Variants in HDAC9 observed in about 807,000 individuals in gnomAD.
HDAC9 encodes the protein histone deacetylase 9, also known as MEF-2 interacting transcription repressor (MITR) protein.
Under a neutral mutation model 139.4 loss-of-function variants are expected in HDAC9, and 41 were observed. That is an observed-to-expected ratio of 0.29 (90% confidence interval 0.23 to 0.38). HDAC9 has a LOEUF of 0.38. HDAC9 is among the 10% of genes least tolerant of loss of function. The pLI is 1.00. For synonymous variants in HDAC9, 517 were observed against 476.2 expected, an observed-to-expected ratio of 1.09 and a Z score of -1.12; for missense variants, 1,147 against 1,297.0, an observed-to-expected ratio of 0.88 and a Z score of 1.78.
chr7:18,341,126 CT>C (rs992943022), intron 1 of HDAC9, among the ~76,000 whole-genome samples: 17 of 151,618 alleles, frequency 1.1e-4, no homozygotes, highest in South Asian at 6.2e-4. Context: ...GTTTTCCCCC[CT>C]GACTACTTTT....
intron 1 of HDAC9, among the ~76,000 whole-genome samples, chr7:18,465,062 C>T (rs1290440722): frequency 6.6e-6 from 1 of 151,936 alleles, no homozygotes; most frequent in Non-Finnish European, 1.5e-5. Flanking sequence ...TTTTAGTTGC[C>T]TTTAAAAATA....
chr7:18,625,337 TCCCAGAGCAGTACAA>T (rs1411922908), intron 6 of HDAC9, among the ~76,000 whole-genome samples: 2 of 152,200 alleles, frequency 1.3e-5, no homozygotes, highest in African/African-American at 4.8e-5. Flanking sequence ...TCTTTAGTCA[TCCCAGAGCAGTACAA>T]TTATTAACAG....
At chr7:18,323,690 G>C (rs1800207494) in intron 1 of HDAC9, among the ~76,000 whole-genome samples, 1 of 152,124 alleles carries the variant, frequency 6.6e-6, no homozygotes, top group Admixed American at 6.6e-5. Flanking sequence ...CACCTGACCA[G>C]GGACACCCAC....
At chr7:18,554,710 G>T (rs1159322729) in intron 2 of HDAC9, among the ~76,000 whole-genome samples, 3 of 151,636 alleles carry the variant, frequency 2.0e-5, no homozygotes, top group African/African-American at 7.3e-5. Context: ...TTTTTTTTCT[G>T]CCCTGGATAA....
chr7:18,496,663 G>A (rs1167939231), intron 2 of HDAC9: 3 of 210,772 alleles, frequency 1.4e-5, no homozygotes, highest in East Asian at 1.1e-4. Flanking sequence ...TATTCTAATA[G>A]GACTTTAAAA....
intron 22 of HDAC9, among the ~76,000 whole-genome samples, chr7:18,928,462 C>T (rs993693925): frequency 6.6e-6 from 1 of 152,192 alleles, no homozygotes; most frequent in Admixed American, 6.5e-5. Flanking sequence ...AGGCTTCTTC[C>T]AACCCTAATA....
At chr7:18,968,467 G>C (rs1156907146) in intron 24 of HDAC9, among the ~76,000 whole-genome samples, 1 of 152,066 alleles carries the variant, frequency 6.6e-6, no homozygotes, top group Non-Finnish European at 1.5e-5. Flanking sequence ...GAGAGAAAAA[G>C]ATATCTAATG....
intron 2 of HDAC9, among the ~76,000 whole-genome samples, chr7:18,202,732 T>C (rs768671195): frequency 1.3e-5 from 2 of 152,214 alleles, no homozygotes; most frequent in South Asian, 2.1e-4. Flanking sequence ...ATCACCATAA[T>C]GTTTTTGCTT....
Position 18,478,287 on chromosome 7 carries a change from G to A in HDAC9, c.-41-17975G>A, listed in dbSNP as rs188516407. Among the ~76,000 whole-genome samples, 623 of 152,238 alleles carry A rather than the reference G, an allele frequency of 4.1e-3. 4 individuals are homozygous for A. Among genetic ancestry groups the A allele is most frequent in the African/African-American group, 0.013 (556 of 41,540 alleles). On this transcript the variant is annotated intron_variant, in intron 1 of 3. Coordinates refer to the HDAC9 transcript ENST00000413509. ...GGGGTTTCACCGTGTTAGCCAGGAT[G>A]GTCTTGATCTCCTGACCTCGGGATC... is the stretch of plus-strand genomic sequence containing the variant.
At chr7:18,135,886 C>T (rs1156540837) in intron 1 of HDAC9, among the ~76,000 whole-genome samples, 1 of 132,646 alleles carries the variant, frequency 7.5e-6, no homozygotes, top group Non-Finnish European at 1.5e-5. Flanking sequence ...ACACTGACTT[C>T]GACAATGGTT....
At chr7:18,675,513 G>T (rs1448414042) in intron 12 of HDAC9, among the ~76,000 whole-genome samples, 1 of 152,010 alleles carries the variant, frequency 6.6e-6, no homozygotes, top group Non-Finnish European at 1.5e-5. Context: ...ATTAGCTATT[G>T]TTATGAAAAG....
At chr7:18,884,285 C>T (rs1203393668) in intron 22 of HDAC9, among the ~76,000 whole-genome samples, 3 of 152,114 alleles carry the variant, frequency 2.0e-5, no homozygotes, top group Non-Finnish European at 4.4e-5. Context: ...CCATACTTTC[C>T]AATGTTAACA....
intron 17 of HDAC9, among the ~76,000 whole-genome samples, chr7:18,827,912 T>C (rs1795575074): frequency 6.6e-6 from 1 of 152,178 alleles, no homozygotes; most frequent in African/African-American, 2.4e-5. Flanking sequence ...TGTTCATTGA[T>C]AGTTCCTTTC....
chr7:18,308,224 T>C (rs1249427851), intron 1 of HDAC9, among the ~76,000 whole-genome samples: 1 of 152,256 alleles, frequency 6.6e-6, no homozygotes, highest in East Asian at 1.9e-4. Flanking sequence ...GCAATCTATA[T>C]GAACTAGGTT....
chr7:18,820,215 A>G (rs1794859631), intron 17 of HDAC9, among the ~76,000 whole-genome samples: 1 of 152,148 alleles, frequency 6.6e-6, no homozygotes, highest in African/African-American at 2.4e-5. Flanking sequence ...AGACTAGTAG[A>G]TTTTCAAGTC....
chr7:18,510,769 A>G (rs1351189670), intron 2 of HDAC9, among the ~76,000 whole-genome samples: 1 of 152,214 alleles, frequency 6.6e-6, no homozygotes, highest in Non-Finnish European at 1.5e-5. Context: ...TTAAGGAAAT[A>G]TAGATGGAAT....
intron 1 of HDAC9, among the ~76,000 whole-genome samples, chr7:18,160,711 G>C (rs1787568691): frequency 6.6e-6 from 1 of 151,990 alleles, no homozygotes; most frequent in Admixed American, 6.6e-5. Flanking sequence ...CTGCCTCCCG[G>C]GTTCAAGTGA....
chr7:18,093,610 A>C (rs1441520498), intron 1 of HDAC9, among the ~76,000 whole-genome samples: 1 of 152,134 alleles, frequency 6.6e-6, no homozygotes, highest in Non-Finnish European at 1.5e-5. Context: ...TTTTGGTTAA[A>C]ATCAAAAGCA....
intron 2 of HDAC9, among the ~76,000 whole-genome samples, chr7:18,184,198 A>T (rs992930617): frequency 1.3e-5 from 2 of 152,172 alleles, no homozygotes; most frequent in African/African-American, 2.4e-5. Flanking sequence ...TGGGTGTTCG[A>T]GACCCGCCTG....
Sources: gnomAD v4.1 joint callset for allele counts (sites outside exome capture counted in the v4.1 genomes callset) on GRCh38, gnomAD v4.1.1 for gene constraint, MANE v1.5 for transcripts, NCBI Gene and HGNC (gene_info 2026-07-23, HGNC 2026-07-21) for gene names.